The following ACTL8 variants were observed in gnomAD, a reference collection of about 807,000 sequenced individuals.
ACTL8 encodes actin like 8.
In ACTL8, 3 loss-of-function variants were observed where a neutral mutation model predicts 9.3. The observed-to-expected ratio is 0.32, with a 90% CI of 0.15 to 0.83. ACTL8 has a LOEUF of 0.83. Ranked by LOEUF, ACTL8 falls within the 40% of genes least tolerant of loss-of-function variation. ACTL8 has a pLI of 0.57. For synonymous variants in ACTL8, 224 were observed against 205.9 expected, an observed-to-expected ratio of 1.09 and a Z score of -0.75; for missense variants, 381 against 492.2, an observed-to-expected ratio of 0.77 and a Z score of 2.14.
At chr1:17,783,334 AG>A (rs1325264973) in intron 1 of ACTL8, among the ~76,000 whole-genome samples, 1 of 141,584 alleles carries the variant, frequency 7.1e-6, no homozygotes, top group East Asian at 2.5e-4. Flanking sequence ...TAAAAAGAGG[AG>A]TTTTTTTTTT....
intron 1 of ACTL8, among the ~76,000 whole-genome samples, chr1:17,762,246 G>A (rs1404458230): frequency 1.3e-5 from 2 of 151,986 alleles, no homozygotes; most frequent in African/African-American, 2.4e-5. Flanking sequence ...ATAGGGCTCC[G>A]GGGCCTGAGA....
chr1:17,759,375 C>T (rs1569986489), intron 1 of ACTL8, among the ~76,000 whole-genome samples: 1 of 152,206 alleles, frequency 6.6e-6, no homozygotes, highest in Non-Finnish European at 1.5e-5. Flanking sequence ...TGGCTGCTGC[C>T]GTGCTCAGCA....
At chr1:17,785,892 C>T (rs1050543128) in intron 1 of ACTL8, among the ~76,000 whole-genome samples, 20 of 152,178 alleles carry the variant, frequency 1.3e-4, no homozygotes, top group African/African-American at 4.3e-4. Flanking sequence ...TTGGATCTCA[C>T]AAGGCCACAG....
intron 1 of ACTL8, among the ~76,000 whole-genome samples, chr1:17,782,165 A>C (rs75292356): frequency 0.015 from 2,265 of 152,100 alleles, 57 homozygotes; most frequent in African/African-American, 0.053. Flanking sequence ...GCCTCTGGAG[A>C]CCCTGATTCA....
In ACTL8 at chr1:17,823,122, C is replaced by T. The variant is rs2053677876; in HGVS notation, c.114C>T (p.Cys38=). 6.2e-7 allele frequency: 1 copy of T among 1,614,114 alleles called. No individual in the cohort carries two copies. Among genetic ancestry groups the T allele is most frequent in the Admixed American group, 1.7e-5 (1 of 60,012 alleles). Reference sequence around the variant, plus strand: ...CGAACATCGTGAACTACCTACCGTGCAAGGAGAACCCTGGCCCCAGCTATG... The same window carrying T: ...CGAACATCGTGAACTACCTACCGTGTAAGGAGAACCCTGGCCCCAGCTATG... ...VFPNIVNYLP[C]KENPGPSYAR... Residue 38 remains cysteine, a synonymous_variant, in exon 2 of 3, where the codon TGC becomes TGT. Transcript: ENST00000375406. This position sits in a 1 kb window ranked among gnomAD's most constrained non-coding sequence, Gnocchi z 5.3.
Position 17,789,176 on chromosome 1 carries a change from C to G in ACTL8, c.-25+33672C>G, listed in dbSNP as rs571462897. ...CATAATCAGAGTTTGGAGACAACTG[C>G]TCTTAGTGGCATGATGTATGGCAGC... On this transcript the variant is annotated intron_variant, in intron 1 of 2. Coordinates refer to ENST00000375406, the MANE Select transcript of ACTL8 (RefSeq NM_030812.3). 1.1e-3 allele frequency among the ~76,000 whole-genome samples: 165 copies of G among 152,232 alleles called. 1 individual carries two copies. In the Middle Eastern group the frequency reaches 0.017, roughly 16 times the overall value.
intron 1 of ACTL8, among the ~76,000 whole-genome samples, chr1:17,785,147 G>A (rs2066186794): frequency 6.6e-6 from 1 of 152,186 alleles, no homozygotes; most frequent in African/African-American, 2.4e-5. Flanking sequence ...GATGAGATTT[G>A]GGTGGGGACA....
Position 17,826,396 on chromosome 1 carries a change from A to G in ACTL8, c.978A>G (p.Thr326=), listed in dbSNP as rs2053722950. ...ATCACGTCTCCTCCACCAAGGCCAC[A>G]GTCTGGGAGGGTTCCAATAGAAACT... is the stretch of plus-strand genomic sequence containing the variant. ...MGDHVSSTKA[T]VWEGSNRNFS... The change falls in exon 3 of 3, where the codon ACA becomes ACG. Residue 326 remains threonine (T), a synonymous_variant. Coordinates refer to ENST00000375406, the MANE Select transcript of ACTL8 (RefSeq NM_030812.3). This position sits in a 1 kb window ranked among gnomAD's most constrained non-coding sequence, Gnocchi z 4.5. 4 of 1,614,112 alleles carry G rather than the reference A, an allele frequency of 2.5e-6. No individual in the cohort carries two copies. The highest frequency in any genetic ancestry group is 4.5e-5 in the East Asian group (2 of 44,850).
chr1:17,776,922 C>T (rs1570004514), intron 1 of ACTL8, among the ~76,000 whole-genome samples: 1 of 150,390 alleles, frequency 6.6e-6, no homozygotes, highest in Non-Finnish European at 1.5e-5. Context: ...ACCTCTGCCT[C>T]CTGAGTAGCT....
chr1:17,807,786 T>C (rs76233760), intron 1 of ACTL8, among the ~76,000 whole-genome samples: 1 of 150,952 alleles, frequency 6.6e-6, no homozygotes, highest in Non-Finnish European at 1.5e-5. Flanking sequence ...TAAGTGGGAG[T>C]TGAATAATGA....
rs913041241 is a variant in ACTL8, at chr1:17,821,209, C to G, written c.-24-1776C>G. 2.0e-5 allele frequency among the ~76,000 whole-genome samples: 3 copies of G among 152,052 alleles called. No homozygotes were observed. In the South Asian group the frequency reaches 6.2e-4, roughly 32 times the overall value. ...TATATGATTTGTAAGTATTTTCTCC[C>G]AGTCTATGGCTTGTCTTTTCATTCT... On this transcript the variant is annotated intron_variant, in intron 1 of 2. Transcript: ENST00000375406.
At chr1:17,765,256 C>T (rs1014147638) in intron 1 of ACTL8, among the ~76,000 whole-genome samples, 5 of 152,178 alleles carry the variant, frequency 3.3e-5, no homozygotes, top group Admixed American at 1.3e-4. Context: ...CTGTCCAGGC[C>T]AAGTGTACTA....
Position 17,821,490 on chromosome 1 carries a change from T to G in ACTL8, c.-24-1495T>G, listed in dbSNP as rs183676093. Among the ~76,000 whole-genome samples the G allele has an allele frequency of 3.7e-4, 56 of 152,352 alleles. No individual in the cohort carries two copies. The South Asian group carries it at 7.5e-3, about 20-fold the overall frequency. ...TTTTTTTGGTATATGGACATCCAAT[T>G]GTTCTTTGCTATTTGTTGTAAAGAC... On this transcript the variant is annotated intron_variant, in intron 1 of 2. Coordinates refer to ENST00000375406, the MANE Select transcript of ACTL8 (RefSeq NM_030812.3).
chr1:17,761,991 A>C (rs2066009673), intron 1 of ACTL8, among the ~76,000 whole-genome samples: 1 of 151,974 alleles, frequency 6.6e-6, no homozygotes, highest in Non-Finnish European at 1.5e-5. Context: ...ACCTGAGGTC[A>C]CCTGGATCCC....
At chr1:17,785,085 C>CATGGTA (rs147582275) in intron 1 of ACTL8, among the ~76,000 whole-genome samples, 30,343 of 152,028 alleles carry the variant, frequency 0.2, 3,243 homozygotes, top group African/African-American at 0.28. Flanking sequence ...GATTTGCCCC[C>CATGGTA]ATGATTCAAT....
chr1:17,782,461 A>G (rs1240342069), intron 1 of ACTL8, among the ~76,000 whole-genome samples: 3 of 152,174 alleles, frequency 2.0e-5, no homozygotes, highest in Admixed American at 6.5e-5. Flanking sequence ...CCAAAGGAGG[A>G]AAATCCCTTT....
At chr1:17,778,305 C>T (rs112356105) in intron 1 of ACTL8, among the ~76,000 whole-genome samples, 32 of 151,898 alleles carry the variant, frequency 2.1e-4, no homozygotes, top group African/African-American at 7.2e-4. Context: ...TCACTGGCCC[C>T]GAGGGGCTGT....
intron 1 of ACTL8, among the ~76,000 whole-genome samples, chr1:17,799,181 A>G (rs995382708): frequency 1.3e-5 from 2 of 152,198 alleles, no homozygotes; most frequent in African/African-American, 4.8e-5. Context: ...GGACACGCAC[A>G]TCAAATTCAC....
intron 1 of ACTL8, among the ~76,000 whole-genome samples, chr1:17,786,383 C>A (rs994531120): frequency 1.3e-5 from 2 of 152,204 alleles, no homozygotes; most frequent in Non-Finnish European, 2.9e-5. Flanking sequence ...AGTAAGCTGA[C>A]AGCTTATTGA....
Sources: allele counts gnomAD v4.1 joint callset (sites outside exome capture counted in the v4.1 genomes callset), GRCh38; gene constraint gnomAD v4.1.1; non-coding constraint Gnocchi (gnomAD v3.1); transcripts MANE v1.5; gene names NCBI Gene and HGNC (gene_info 2026-07-23, HGNC 2026-07-21).